The following PDCD11 variants were observed in gnomAD, a reference collection of about 807,000 sequenced individuals.
The protein encoded by PDCD11 is protein RRP5 homolog.
In PDCD11, 97 loss-of-function variants were observed where a neutral mutation model predicts 198.9. The ratio of observed to expected loss-of-function variants is 0.49; its 90% CI spans 0.41 to 0.58. PDCD11 has a LOEUF of 0.58. Ranked by LOEUF, PDCD11 falls within the 20% of genes least tolerant of loss-of-function variation. PDCD11 has a pLI of 0.00. For synonymous variants in PDCD11, 893 were observed against 918.0 expected, an observed-to-expected ratio of 0.97 and a Z score of 0.49; for missense variants, 2,102 against 2,312.7, an observed-to-expected ratio of 0.91 and a Z score of 1.87.
chr10:103,445,618 C>T lies in PDCD11; in HGVS notation c.*69C>T. ...CGGCCCCGCCTCGAGTGCCTGGGCA[C>T]TCGGAAAACTGTTACCTCAGGACTC... On this transcript the variant is annotated 3_prime_UTR_variant, in exon 36 of 36. Coordinates refer to ENST00000369797, the MANE Select transcript of PDCD11 (RefSeq NM_014976.2). 7.4e-7 allele frequency: 1 copy of T among 1,347,980 alleles called. No homozygotes were observed. The highest frequency in any genetic ancestry group is 1.0e-6 in the Non-Finnish European group (1 of 963,702). The allele number at this position is 1,347,980 out of a possible 1,614,324, so 83.5% of individuals were successfully genotyped here.
intron 12 of PDCD11, 128 bp downstream of exon 12, chr10:103,415,279 C>A (rs1385126036): frequency 4.4e-6 from 4 of 904,554 alleles, no homozygotes; most frequent in Non-Finnish European, 6.8e-6. Context: ...CTGTACCTGG[C>A]ATTGGGAAGA....
At chr10:103,422,055 T>TTTA (rs201558637) in intron 17 of PDCD11, among the ~76,000 whole-genome samples, 5,991 of 127,366 alleles carry the variant, frequency 0.047, 153 homozygotes, top group Middle Eastern at 0.081. Context: ...AGTGCACAAT[T>TTTA]TTATTATTAT....
chr10:103,445,606 A>C lies in PDCD11; in HGVS notation c.*57A>C, dbSNP rs980001647. The C allele has an allele frequency of 4.3e-5, 65 of 1,506,174 alleles. No individual in the cohort carries two copies. The highest frequency in any genetic ancestry group is 5.5e-5 in the Non-Finnish European group (60 of 1,094,616). 93.3% of individuals were successfully genotyped at this position (1,506,174 alleles called of 1,614,324 possible). Reference sequence around the variant, plus strand: ...AATGGGCCAGCCCGGCCCCGCCTCGAGTGCCTGGGCACTCGGAAAACTGTT... The same window carrying C: ...AATGGGCCAGCCCGGCCCCGCCTCGCGTGCCTGGGCACTCGGAAAACTGTT... On this transcript the variant is annotated 3_prime_UTR_variant, in exon 36 of 36. Transcript: ENST00000369797.
Position 103,406,117 on chromosome 10 carries a change from A to C in PDCD11, c.688+9A>C. On this transcript the variant is annotated intron_variant, in intron 6 of 35. Coordinates refer to ENST00000369797, the MANE Select transcript of PDCD11 (RefSeq NM_014976.2). Reference sequence around the variant, plus strand: ...CAGACAGAAGAACAAAGGTGAGGGCAAGAAAAGGGGCCAGTACATGGTGGT... The same window carrying C: ...CAGACAGAAGAACAAAGGTGAGGGCCAGAAAAGGGGCCAGTACATGGTGGT... The C allele has an allele frequency of 1.2e-6, 2 of 1,613,940 alleles. No homozygotes were observed. The highest frequency in any genetic ancestry group is 1.7e-6 in the Non-Finnish European group (2 of 1,179,868).
intron 8 of PDCD11, among the ~76,000 whole-genome samples, chr10:103,412,271 G>A (rs924182933): frequency 1.3e-5 from 2 of 149,862 alleles, no homozygotes; most frequent in Non-Finnish European, 3.0e-5. Context: ...AGTGATTCTT[G>A]TGCCTCAGCC....
chr10:103,403,295 A>G lies in PDCD11; in HGVS notation c.402+10A>G. On this transcript the variant is annotated intron_variant, in intron 4 of 35. Coordinates refer to ENST00000369797, the MANE Select transcript of PDCD11 (RefSeq NM_014976.2). ...AGAACAACCTCTGAAGGTAAGGGAA[A>G]TCCGAATGAAGCCTGTTATTGAAAA... 1.2e-6 allele frequency: 2 copies of G among 1,606,254 alleles called. No individual in the cohort carries two copies. Among genetic ancestry groups the G allele is most frequent in the Non-Finnish European group, 1.7e-6 (2 of 1,176,724 alleles).
intron 3 of PDCD11, 109 bp from the exon 4 acceptor site, chr10:103,403,009 A>G: frequency 2.9e-6 from 3 of 1,022,488 alleles, no homozygotes; most frequent in Non-Finnish European, 4.4e-6. Context: ...GGCGTAAGCC[A>G]CTGTGCTTGG....
chr10:103,406,475 T>C (rs921899057), intron 6 of PDCD11, 134 bp from the exon 7 acceptor site: 7 of 721,052 alleles, frequency 9.7e-6, no homozygotes, highest in South Asian at 6.3e-5. Flanking sequence ...CCCTTAAAGA[T>C]TGGGAATTTG....
rs141156601 is a variant in PDCD11, at chr10:103,398,462, T to G, written c.36T>G (p.Gly12=). 38 of 1,614,078 alleles carry G rather than the reference T, an allele frequency of 2.4e-5. No homozygotes were observed. In the African/African-American group the frequency reaches 4.5e-4, roughly 19 times the overall value. ...TGGAAGAAAGCTTCCCCCGAGGAGG[T>G]ACAAGAAAGATCCACAAACCAGAGA... is the stretch of plus-strand genomic sequence containing the variant. ...ANLEESFPRG[G]TRKIHKPEKA... Residue 12 remains glycine (G), a synonymous_variant, in exon 2 of 36, where the codon GGT becomes GGG. Coordinates refer to ENST00000369797, the MANE Select transcript of PDCD11 (RefSeq NM_014976.2).
In PDCD11 at chr10:103,405,057, A is replaced by T. The variant is rs148732555; in HGVS notation, c.438A>T (p.Gly146=). ...LLHLPELFSP[G]MLVRCVVSSL... Reference sequence around the variant, plus strand: ...ACTTGCCTGAACTTTTCTCACCTGGAATGCTGGTAAGATGTGTGGTGAGCA... The same window carrying T: ...ACTTGCCTGAACTTTTCTCACCTGGTATGCTGGTAAGATGTGTGGTGAGCA... Residue 146 remains glycine (G), a synonymous_variant, in exon 5 of 36, where the codon GGA becomes GGT. Coordinates refer to ENST00000369797, the MANE Select transcript of PDCD11 (RefSeq NM_014976.2). 8 of 1,613,980 alleles carry T rather than the reference A, an allele frequency of 5.0e-6. No individual in the cohort carries two copies. The African/African-American group carries it at 1.1e-4, about 22-fold the overall frequency.
chr10:103,432,824 C>T (rs1390120259), intron 22 of PDCD11, among the ~76,000 whole-genome samples: 1 of 152,208 alleles, frequency 6.6e-6, no homozygotes, highest in Non-Finnish European at 1.5e-5. Context: ...CCCCAGATGC[C>T]TTAGCGTGGC....
At chr10:103,440,652 G>C in intron 29 of PDCD11, 71 bp downstream of exon 29, 2 of 1,612,012 alleles carry the variant, frequency 1.2e-6, no homozygotes, top group Non-Finnish European at 1.7e-6. Context: ...CGTGGGGACA[G>C]GGCACCCAGT....
chr10:103,433,882 A>C (rs2032037552), intron 22 of PDCD11, 66 bp from the exon 23 acceptor site: 1 of 1,291,954 alleles, frequency 7.7e-7, no homozygotes, highest in South Asian at 1.2e-5. Flanking sequence ...TGGTTTTAGG[A>C]AAGTTTTAAT....
chr10:103,398,562 G>A, intron 2 of PDCD11, 34 bp downstream of exon 2: 6 of 1,378,054 alleles, frequency 4.4e-6, no homozygotes, highest in Non-Finnish European at 6.2e-6. Context: ...ACACTCACTG[G>A]AAACTTTTAC....
At chr10:103,426,615 T>G (rs1235525838) in intron 20 of PDCD11, among the ~76,000 whole-genome samples, 1 of 151,874 alleles carries the variant, frequency 6.6e-6, no homozygotes, top group African/African-American at 2.4e-5. Context: ...GCCAACATGG[T>G]GAAACCCCGT....
At position 103,443,333 on chromosome 10, in the gene PDCD11, G is replaced by C. The variant is rs2032470406; in HGVS notation, c.5124G>C (p.Gln1708His). The change falls in exon 33 of 36, where the codon CAG becomes CAC. Residue 1708 changes from glutamine to histidine, a missense_variant and splice_region_variant. Coordinates refer to ENST00000369797, the MANE Select transcript of PDCD11 (RefSeq NM_014976.2). Reference protein sequence around the residue: ...ADIYAKSEKFQEAGELYNRML... With the variant: ...ADIYAKSEKFHEAGELYNRML... ...TCTACGCCAAGTCAGAGAAATTCCA[G>C]GTAGGAGGTTGGGCCACAGACGAAC... 4 of 1,602,680 alleles carry C rather than the reference G, an allele frequency of 2.5e-6. No homozygotes were observed. The highest frequency in any genetic ancestry group is 1.7e-6 in the Non-Finnish European group (2 of 1,172,132).
At chr10:103,427,049 C>T (rs969517542) in intron 20 of PDCD11, among the ~76,000 whole-genome samples, 4 of 151,920 alleles carry the variant, frequency 2.6e-5, no homozygotes, top group Admixed American at 2.6e-4. Context: ...ATTGAGGCTA[C>T]AGTGAGCCAT....
At chr10:103,404,940 A>G in intron 4 of PDCD11, 82 bp from the exon 5 acceptor site, 1 of 1,322,214 alleles carries the variant, frequency 7.6e-7, no homozygotes, top group Non-Finnish European at 1.1e-6. Context: ...GAGGATGAGA[A>G]GTCACTGAGC....
chr10:103,442,721 T>A, intron 32 of PDCD11, among the ~76,000 whole-genome samples: 1 of 152,312 alleles, frequency 6.6e-6, no homozygotes, highest in African/African-American at 2.4e-5. Flanking sequence ...AGGGAACCAG[T>A]TTGAGCAGAA....
Sources: gnomAD v4.1 joint callset for allele counts (sites outside exome capture counted in the v4.1 genomes callset) on GRCh38, gnomAD v4.1.1 for gene constraint, MANE v1.5 for transcripts, NCBI Gene and HGNC (gene_info 2026-07-23, HGNC 2026-07-21) for gene names.